ARVCF: variants seen among roughly 807,000 people sequenced by gnomAD.
ARVCF encodes the protein splicing regulator ARVCF.
Under a neutral mutation model 90.9 loss-of-function variants are expected in ARVCF, and 66 were observed. The observed-to-expected ratio is 0.73, with a 90% CI of 0.60 to 0.89. The LOEUF is 0.89. ARVCF is among the 40% of genes least tolerant of loss of function. The pLI is 0.00. For missense variants in ARVCF, 1,469 were observed against 1,382.3 expected (o/e 1.06, Z -1.00); for synonymous variants, 653 against 603.4 (o/e 1.08, Z -1.21).
At chr22:19,969,233 T>C, downstream of ARVCF, 1 of 157,782 alleles carries the variant, frequency 6.3e-6, no homozygotes. Flanking sequence ...CAGGGGCACC[T>C]GTTAGCCCCA....
At chr22:19,965,365 TG>T (rs1423824868), downstream of ARVCF, 2 of 152,188 alleles carry the variant, frequency 1.3e-5, no homozygotes, top group East Asian at 3.9e-4. Flanking sequence ...ATATTTTAGA[TG>T]GAGTCTTGCT....
chr22:19,991,411 C>A (rs532978822), intron 2 of ARVCF, among the ~76,000 whole-genome samples: 3 of 152,264 alleles, frequency 2.0e-5, no homozygotes, highest in Non-Finnish European at 4.4e-5. Context: ...AGCCTCCACT[C>A]ATATCCACAT....
chr22:19,978,731 G>A (rs1943305739), intron 7 of ARVCF, among the ~76,000 whole-genome samples, 166 bp downstream of exon 7: 1 of 152,042 alleles, frequency 6.6e-6, no homozygotes. Context: ...TTGGGGGTGA[G>A]GACAGCTCCA....
rs114261556 is a variant in ARVCF, at chr22:19,981,873, G to C, written c.369+60C>G. On this transcript the variant is annotated intron_variant, in intron 4 of 19. Coordinates refer to ENST00000263207, the MANE Select transcript of ARVCF (RefSeq NM_001670.3). ...GCAAGCTTCCATGTCCACTCTGCAG[G>C]TGGGACAGCTGCAGCAGCCTGGCCC... is the stretch of plus-strand genomic sequence containing the variant. 1,792 of 1,590,982 alleles carry C rather than the reference G, an allele frequency of 1.1e-3. 27 individuals are homozygous for C. The African/African-American group carries it at 0.022, about 20-fold the overall frequency.
At chr22:19,999,633 TTCAGAATGGA>T (rs1419250753) in intron 2 of ARVCF, among the ~76,000 whole-genome samples, 4 of 152,102 alleles carry the variant, frequency 2.6e-5, no homozygotes, top group African/African-American at 9.7e-5. Flanking sequence ...GGCCATATGG[TTCAGAATGGA>T]TCAGAGGATG....
At position 20,014,751 on chromosome 22, in the gene ARVCF, A is replaced by G. The variant is rs529583867; in HGVS notation, c.-73+1838T>C. 1.2e-4 allele frequency among the ~76,000 whole-genome samples: 18 copies of G among 152,270 alleles called. No individual in the cohort carries two copies. The South Asian group carries it at 1.9e-3, about 16-fold the overall frequency. On this transcript the variant is annotated intron_variant, in intron 1 of 19. Coordinates refer to ENST00000263207, the MANE Select transcript of ARVCF (RefSeq NM_001670.3). ...GGCTGGACAGAGGGTGGTGCCTGGC[A>G]TCCGTGTGCAGAGCTCCCTGCTCCA...
At chr22:19,995,955 C>T (rs1479182339) in intron 2 of ARVCF, among the ~76,000 whole-genome samples, 1 of 152,196 alleles carries the variant, frequency 6.6e-6, no homozygotes, top group Non-Finnish European at 1.5e-5. Flanking sequence ...CTGGGAGCTG[C>T]CAGCACAGAG....
chr22:19,968,452 A>C (rs1942546036), downstream of ARVCF: 20 of 1,343,296 alleles, frequency 1.5e-5, no homozygotes, highest in Non-Finnish European at 2.0e-5. Context: ...GCCGTGGCCT[A>C]GTGAGGAGCA....
rs1943240651 is a variant in ARVCF, at chr22:19,977,725, G to C, written c.1699-139C>G. Reference sequence around the variant, plus strand: ...GTCCTCAGTGGAGGGGAGCAAAAGGGCGGTAACCGCCAGGAAGGGTCCATG... The same window carrying C: ...GTCCTCAGTGGAGGGGAGCAAAAGGCCGGTAACCGCCAGGAAGGGTCCATG... On this transcript the variant is annotated intron_variant, in intron 8 of 19. Coordinates refer to ENST00000263207, the MANE Select transcript of ARVCF (RefSeq NM_001670.3). 3 of 1,260,288 alleles carry C rather than the reference G, an allele frequency of 2.4e-6. No individual in the cohort carries two copies. The South Asian group carries it at 4.8e-5, about 20-fold the overall frequency. The allele number at this position is 1,260,288 out of a possible 1,614,324, so 78.1% of individuals were successfully genotyped here. A position where few individuals can be genotyped will look rare whatever the true frequency, so the allele number is the denominator to read the frequency against.
At chr22:19,972,064 G>T in intron 17 of ARVCF, 93 bp from the exon 18 acceptor site, 1 of 1,265,712 alleles carries the variant, frequency 7.9e-7, no homozygotes, top group Non-Finnish European at 1.1e-6. Flanking sequence ...GGGGACTCGT[G>T]GGACAGGGGC....
At chr22:20,006,886 T>TC (rs1241140984) in intron 2 of ARVCF, among the ~76,000 whole-genome samples, 1 of 151,710 alleles carries the variant, frequency 6.6e-6, no homozygotes, top group Non-Finnish European at 1.5e-5. Context: ...TGCCTCAGCC[T>TC]CCCAAAGTGC....
At chr22:20,006,390 A>T (rs1412048584) in intron 2 of ARVCF, among the ~76,000 whole-genome samples, 2 of 151,808 alleles carry the variant, frequency 1.3e-5, no homozygotes, top group Non-Finnish European at 2.9e-5. Context: ...ATCCTGGCTA[A>T]CATGGTGAAA....
intron 2 of ARVCF, among the ~76,000 whole-genome samples, chr22:19,998,351 C>T (rs968869688): frequency 5.9e-5 from 9 of 152,358 alleles, no homozygotes; most frequent in African/African-American, 2.2e-4. Context: ...GACACAAAGC[C>T]CCTTTGAGGG....
intron 3 of ARVCF, chr22:19,986,779 C>G (rs1943793342): frequency 2.7e-6 from 1 of 369,724 alleles, no homozygotes; most frequent in Non-Finnish European, 4.9e-6. Flanking sequence ...CCATCCGGTC[C>G]GGGCCGGTGC....
At chr22:20,007,567 G>C (rs762917040) in intron 2 of ARVCF, among the ~76,000 whole-genome samples, 1 of 152,228 alleles carries the variant, frequency 6.6e-6, no homozygotes, top group Admixed American at 6.5e-5. Flanking sequence ...CAGTGTTGAA[G>C]GTAGGACCTC....
chr22:19,985,381 TG>T (rs1222940628), intron 3 of ARVCF, among the ~76,000 whole-genome samples: 2 of 152,180 alleles, frequency 1.3e-5, no homozygotes, highest in Non-Finnish European at 2.9e-5. Context: ...TGAGCTCCCT[TG>T]GGCTTGTGGG....
chr22:19,998,191 C>T (rs1944322410), intron 2 of ARVCF, among the ~76,000 whole-genome samples: 2 of 152,194 alleles, frequency 1.3e-5, no homozygotes, highest in South Asian at 2.1e-4. Context: ...GCAGTCACCA[C>T]GCTGGCCACC....
At chr22:19,986,838 G>A (rs1050522916) in intron 3 of ARVCF, among the ~76,000 whole-genome samples, 3 of 152,118 alleles carry the variant, frequency 2.0e-5, no homozygotes, top group Non-Finnish European at 4.4e-5. Flanking sequence ...CAGGCCCCGC[G>A]GATGGGCTCC....
intron 3 of ARVCF, 49 bp downstream of exon 3, chr22:19,990,535 TG>T (rs1389915374): frequency 7.7e-5 from 119 of 1,550,306 alleles, no homozygotes; most frequent in Non-Finnish European, 9.7e-5. Context: ...ACCCACTGAT[TG>T]TTTTCCCACT....
Sources: gnomAD v4.1 joint callset for allele counts (sites outside exome capture counted in the v4.1 genomes callset) on GRCh38, gnomAD v4.1.1 for gene constraint, MANE v1.5 for transcripts, NCBI Gene and HGNC (gene_info 2026-07-23, HGNC 2026-07-21) for gene names.